NAV3: variants seen among roughly 807,000 people sequenced by gnomAD.
NAV3 encodes neuron navigator 3.
NAV3 carries 87 observed loss-of-function variants against 244.7 expected under a neutral mutation model. That is an observed-to-expected ratio of 0.36 (90% CI 0.30 to 0.42). NAV3 has a LOEUF of 0.42. Ranked by LOEUF, NAV3 falls within the 20% of genes least tolerant of loss-of-function variation. NAV3 has a pLI of 1.00. For missense variants in NAV3, 2,663 were observed against 2,893.3 expected (o/e 0.92, Z 1.83); for synonymous variants, 1,126 against 1,042.2 (o/e 1.08, Z -1.55).
At chr12:77,812,472 G>A (rs1425543579) in intron 2 of NAV3, among the ~76,000 whole-genome samples, 1 of 150,866 alleles carries the variant, frequency 6.6e-6, no homozygotes, top group African/African-American at 2.4e-5. Context: ...GTGCAGTGTG[G>A]CACTATCTCG....
At chr12:77,624,997 A>G (rs953306418) in intron 2 of NAV3, among the ~76,000 whole-genome samples, 1 of 152,218 alleles carries the variant, frequency 6.6e-6, no homozygotes, top group African/African-American at 2.4e-5. Flanking sequence ...CTGTGCAGCA[A>G]ACAACTATGG....
chr12:77,739,225 C>T (rs1201218860), intron 2 of NAV3, among the ~76,000 whole-genome samples: 1 of 152,034 alleles, frequency 6.6e-6, no homozygotes, highest in African/African-American at 2.4e-5. Flanking sequence ...CTGCCTACTA[C>T]ATCTTATATA....
At chr12:77,597,441 C>A (rs946026148) in intron 2 of NAV3, among the ~76,000 whole-genome samples, 1 of 151,932 alleles carries the variant, frequency 6.6e-6, no homozygotes, top group Non-Finnish European at 1.5e-5. Context: ...AGGGCATAGA[C>A]GAGGCTTAGT....
intron 1 of NAV3, among the ~76,000 whole-genome samples, chr12:77,851,012 T>C (rs143322624): frequency 7.2e-5 from 11 of 152,306 alleles, no homozygotes; most frequent in African/African-American, 2.6e-4. Flanking sequence ...AACTTTTGGA[T>C]TCATAGACAT....
In NAV3 at chr12:77,967,433, G is replaced by A. The variant is rs528701567; in HGVS notation, c.488-1086G>A. On this transcript the variant is annotated intron_variant, in intron 4 of 39. Coordinates refer to ENST00000397909, the MANE Select transcript of NAV3 (RefSeq NM_001024383.2). ...CGAAAACTATGAGAAATGTTTGGGG[G>A]AAAAATAGAACAACTCAGAGGGTCA... 3.9e-5 allele frequency among the ~76,000 whole-genome samples: 6 copies of A among 152,102 alleles called. No homozygotes were observed. The East Asian group carries it at 9.7e-4, about 25-fold the overall frequency.
chr12:78,090,618 C>T (rs1464449802), intron 12 of NAV3, among the ~76,000 whole-genome samples: 1 of 151,876 alleles, frequency 6.6e-6, no homozygotes, highest in East Asian at 1.9e-4. Flanking sequence ...ACAGAGTAAC[C>T]CTGGGCACTT....
intron 5 of NAV3, among the ~76,000 whole-genome samples, chr12:77,994,418 C>T (rs1004720401): frequency 6.6e-6 from 1 of 152,178 alleles, no homozygotes; most frequent in Non-Finnish European, 1.5e-5. Context: ...ACATTTTAAA[C>T]TTTTTAAGAA....
chr12:78,174,321 G>A (rs1262083755), intron 24 of NAV3, among the ~76,000 whole-genome samples: 1 of 151,738 alleles, frequency 6.6e-6, no homozygotes, highest in Non-Finnish European at 1.5e-5. Flanking sequence ...AATATCAAAT[G>A]CTATTCTCTT....
rs369572519 is a variant in NAV3 at position 77,657,475 on chromosome 12, C to T, written c.72+85209C>T. ...TTGTGGCAATAATCAATAGCTTACCCACCAAAAAGAGTCCAGGACCAGATG... is the reference window on the plus strand; with the variant it reads ...TTGTGGCAATAATCAATAGCTTACCTACCAAAAAGAGTCCAGGACCAGATG... On this transcript the variant is annotated intron_variant, in intron 2 of 8. Coordinates refer to the NAV3 transcript ENST00000550042. 3.3e-5 allele frequency among the ~76,000 whole-genome samples: 5 copies of T among 152,040 alleles called. No homozygotes were observed. In the Middle Eastern group the frequency reaches 0.01, roughly 310 times the overall value.
intron 2 of NAV3, among the ~76,000 whole-genome samples, chr12:77,785,773 G>T (rs531615434): frequency 6.6e-6 from 1 of 152,280 alleles, no homozygotes; most frequent in African/African-American, 2.4e-5. Flanking sequence ...CTCATGAAAG[G>T]AATAATGTGG....
intron 9 of NAV3, among the ~76,000 whole-genome samples, chr12:78,049,394 T>C (rs1882382099): frequency 6.6e-6 from 1 of 152,168 alleles, no homozygotes; most frequent in Non-Finnish European, 1.5e-5. Flanking sequence ...GGGAAAAGCA[T>C]AGTATCTGGG....
rs193000433 is a variant in NAV3 at position 78,185,646 on chromosome 12, G to A, written c.5738G>A (p.Gly1913Asp). ...GGTGATGCAACTGGACATAAAGATGGCCGCAGTGTGAAAATTATAGTCTCC... is the reference window on the plus strand; with the variant it reads ...GGTGATGCAACTGGACATAAAGATGACCGCAGTGTGAAAATTATAGTCTCC... ...DAGDATGHKD[G>D]RSVKIIVSIS... The change falls in exon 31 of 40, where the codon GGC becomes GAC. Residue 1913 changes from glycine to aspartate, a missense_variant. Physicochemically the swap from Gly to Asp is moderately conservative, Grantham distance 94 (BLOSUM62 -1). This residue lies in a region of NAV3 where 543 missense variants were observed against 672.4 expected (regional missense o/e 0.81). Transcript: ENST00000397909. 4 of 1,608,526 alleles carry A rather than the reference G, an allele frequency of 2.5e-6. No homozygotes were observed. The Admixed American group carries it at 6.7e-5, about 27-fold the overall frequency.
intron 2 of NAV3, among the ~76,000 whole-genome samples, chr12:77,634,127 T>C (rs796812211): frequency 7.7e-3 from 1 of 130 alleles, no homozygotes; most frequent in Non-Finnish European, 0.013. Flanking sequence ...AAATCTCCCA[T>C]TTTTTTTTTT....
chr12:77,823,667 T>C (rs1592714176), intron 2 of NAV3, among the ~76,000 whole-genome samples: 1 of 152,306 alleles, frequency 6.6e-6, no homozygotes, highest in South Asian at 2.1e-4. Context: ...CAAATCCTAC[T>C]TGAAATCCAG....
chr12:77,703,153 C>A (rs183458368), intron 2 of NAV3, among the ~76,000 whole-genome samples: 1 of 152,158 alleles, frequency 6.6e-6, no homozygotes, highest in Non-Finnish European at 1.5e-5. Flanking sequence ...ATTTCTTTAT[C>A]TCAGAGTTTT....
At chr12:77,994,718 A>T (rs1872059292) in intron 5 of NAV3, 85 bp from the exon 6 acceptor site, 2 of 1,037,272 alleles carry the variant, frequency 1.9e-6, no homozygotes, top group Non-Finnish European at 2.9e-6. Context: ...CATTTCATTA[A>T]TTCATAGTTT....
In NAV3 at chr12:77,854,587, A is replaced by ATGTGTGTGTG. The variant is rs111504963; in HGVS notation, c.243+22893_243+22902dup. ...ATAAGCCAATTGTGTGTATGTGTGT[A>ATGTGTGTGTG]TGTGTGTGTGTGTGTGTGTTTGTGT... On this transcript the variant is annotated intron_variant, in intron 1 of 39. Transcript: ENST00000397909. Among the ~76,000 whole-genome samples, 4 of 128,490 alleles carry ATGTGTGTGTG rather than the reference A, an allele frequency of 3.1e-5. No homozygotes were observed. The East Asian group carries it at 9.3e-4, about 30-fold the overall frequency. 84.3% of individuals were successfully genotyped at this position (128,490 alleles called of 152,430 possible). A position where few individuals can be genotyped will look rare whatever the true frequency, so the allele number is the denominator to read the frequency against.
chr12:77,640,520 A>G (rs549332391), intron 2 of NAV3, among the ~76,000 whole-genome samples: 4 of 152,276 alleles, frequency 2.6e-5, no homozygotes, highest in Admixed American at 1.3e-4. Context: ...GATATCATAC[A>G]GTATTTTTCT....
chr12:78,185,427 C>A (rs911306166), intron 30 of NAV3, among the ~76,000 whole-genome samples, 174 bp from the exon 31 acceptor site: 12 of 151,732 alleles, frequency 7.9e-5, no homozygotes, highest in African/African-American at 2.9e-4. Context: ...GAAACTTTAG[C>A]CCAACCACAG....
Sources: gnomAD v4.1 joint callset for allele counts (sites outside exome capture counted in the v4.1 genomes callset) on GRCh38, gnomAD v4.1.1 for gene constraint, gnomAD v4.1.1 regional missense constraint, MANE v1.5 for transcripts, NCBI Gene and HGNC (gene_info 2026-07-23, HGNC 2026-07-21) for gene names.